SPIN1: variants seen among roughly 807,000 people sequenced by gnomAD.
SPIN1 encodes the protein spindlin 1.
A neutral mutation model predicts 26.0 loss-of-function variants in SPIN1; 3 were observed. The ratio of observed to expected loss-of-function variants is 0.12; its 90% CI spans 0.05 to 0.30. The LOEUF (loss-of-function observed/expected upper bound fraction) is 0.30. SPIN1 is among the 10% of genes least tolerant of loss of function. The pLI is 1.00. For synonymous variants in SPIN1, 101 were observed against 116.5 expected, an observed-to-expected ratio of 0.87 and a Z score of 0.86; for missense variants, 126 against 333.4, an observed-to-expected ratio of 0.38 and a Z score of 4.84.
intron 1 of SPIN1, among the ~76,000 whole-genome samples, chr9:88,424,340 G>A (rs1440223469): frequency 6.6e-6 from 1 of 152,082 alleles, no homozygotes; most frequent in Non-Finnish European, 1.5e-5. Flanking sequence ...CTTGAGATAC[G>A]AGATTACAAA....
chr9:88,466,268 C>T (rs1345714578), intron 4 of SPIN1, among the ~76,000 whole-genome samples: 1 of 152,164 alleles, frequency 6.6e-6, no homozygotes, highest in East Asian at 1.9e-4. Flanking sequence ...AAACAGTCCT[C>T]CTGCCTCAGT....
chr9:88,396,069 A>G (rs762997580), intron 1 of SPIN1, among the ~76,000 whole-genome samples: 1 of 148,872 alleles, frequency 6.7e-6, no homozygotes, highest in African/African-American at 2.5e-5. Flanking sequence ...AACAACAACA[A>G]AAAAACCCGT....
chr9:88,415,609 A>C (rs533422736), intron 1 of SPIN1: 3 of 152,078 alleles, frequency 2.0e-5, no homozygotes, highest in African/African-American at 7.2e-5. Context: ...TTTTATAGCA[A>C]TGAGGTCTTA....
intron 3 of SPIN1, 45 bp from the exon 4 acceptor site, chr9:88,462,451 A>G: frequency 3.1e-6 from 5 of 1,591,612 alleles, no homozygotes; most frequent in Non-Finnish European, 3.4e-6. Flanking sequence ...CTAGGCATGC[A>G]TACTTTTGAG....
Position 88,476,351 on chromosome 9 carries a change from T to A in SPIN1, c.*1074T>A, listed in dbSNP as rs1828888789. 2 of 152,232 alleles carry A rather than the reference T, an allele frequency of 1.3e-5. No individual in the cohort carries two copies. The highest frequency in any genetic ancestry group is 4.8e-5 in the African/African-American group (2 of 41,462). 9.4% of individuals were successfully genotyped at this position (152,232 alleles called of 1,614,324 possible). On this transcript the variant is annotated 3_prime_UTR_variant, in exon 6 of 6. Coordinates refer to ENST00000375859, the MANE Select transcript of SPIN1 (RefSeq NM_006717.3). ...TGCCTTCTAACAAGCTCTCTGGGACTTTTAAAGTTTTATTACTATTATTGC... is the reference window on the plus strand; with the variant it reads ...TGCCTTCTAACAAGCTCTCTGGGACATTTAAAGTTTTATTACTATTATTGC...
chr9:88,407,765 CT>C (rs57142193), intron 1 of SPIN1, among the ~76,000 whole-genome samples: 2,860 of 140,180 alleles, frequency 0.02, 52 homozygotes, highest in African/African-American at 0.064. Flanking sequence ...ATCTCTCTCT[CT>C]TTTTTTTTTT....
At chr9:88,424,704 G>A (rs576707724) in intron 1 of SPIN1, among the ~76,000 whole-genome samples, 1 of 152,170 alleles carries the variant, frequency 6.6e-6, no homozygotes, top group Non-Finnish European at 1.5e-5. Context: ...TTGAAATAAA[G>A]GTTTTGGGAT....
chr9:88,409,189 T>G (rs1334053767), intron 1 of SPIN1, among the ~76,000 whole-genome samples: 1 of 148,432 alleles, frequency 6.7e-6, no homozygotes, highest in East Asian at 2.1e-4. Context: ...GAGATGGGGT[T>G]TTTTCATGTT....
intron 1 of SPIN1, among the ~76,000 whole-genome samples, chr9:88,422,708 T>C (rs1274790382): frequency 7.0e-6 from 1 of 143,830 alleles, no homozygotes; most frequent in African/African-American, 2.8e-5. Flanking sequence ...GGAAGGACTC[T>C]TTTTTCTTTT....
Position 88,388,444 on chromosome 9 carries a change from G to T in SPIN1, c.-253G>T, listed in dbSNP as rs939679338. 10 of 147,988 alleles carry T rather than the reference G, an allele frequency of 6.8e-5. No individual in the cohort carries two copies. The highest frequency in any genetic ancestry group is 2.0e-4 in the Admixed American group (3 of 14,880). 9.2% of individuals were successfully genotyped at this position (147,988 alleles called of 1,614,324 possible). Reference sequence around the variant, plus strand: ...TCCGCGGCGAGGGAGCGGGGGCGGGGAGGCGCCGTCTGGCTCAGGCTGGGG... The same window carrying T: ...TCCGCGGCGAGGGAGCGGGGGCGGGTAGGCGCCGTCTGGCTCAGGCTGGGG... On this transcript the variant is annotated 5_prime_UTR_variant, in exon 1 of 6. Coordinates refer to ENST00000375859, the MANE Select transcript of SPIN1 (RefSeq NM_006717.3).
intron 1 of SPIN1, among the ~76,000 whole-genome samples, chr9:88,390,818 A>T (rs763801490): frequency 6.6e-6 from 1 of 152,222 alleles, no homozygotes; most frequent in Non-Finnish European, 1.5e-5. Context: ...CCAAAGCCAC[A>T]TAACTGATTC....
chr9:88,395,100 G>A (rs141856991), intron 1 of SPIN1, among the ~76,000 whole-genome samples: 3 of 151,880 alleles, frequency 2.0e-5, no homozygotes, highest in East Asian at 3.9e-4. Context: ...GAGCCACCGC[G>A]CCTGGCCTAT....
chr9:88,397,646 C>A (rs62580709), intron 1 of SPIN1, among the ~76,000 whole-genome samples: 1 of 150,938 alleles, frequency 6.6e-6, no homozygotes, highest in African/African-American at 2.4e-5. Context: ...TTTTTTTCCC[C>A]AGTCTTGCTC....
chr9:88,399,423 A>G (rs1388286777), intron 1 of SPIN1, among the ~76,000 whole-genome samples: 1 of 152,194 alleles, frequency 6.6e-6, no homozygotes, highest in Non-Finnish European at 1.5e-5. Context: ...AGATGGATGT[A>G]AAGTGGGGAA....
At chr9:88,439,321 A>AT (rs1462089728) in intron 2 of SPIN1, among the ~76,000 whole-genome samples, 6 of 152,332 alleles carry the variant, frequency 3.9e-5, no homozygotes, top group Admixed American at 1.3e-4. Flanking sequence ...AATGATGATG[A>AT]TAACAAACAC....
intron 2 of SPIN1, among the ~76,000 whole-genome samples, chr9:88,438,450 TGTTTTACA>T (rs1828053151): frequency 6.6e-6 from 1 of 152,220 alleles, no homozygotes; most frequent in Non-Finnish European, 1.5e-5. Context: ...TTTGTGAAAC[TGTTTTACA>T]GTTCATAATG....
intron 1 of SPIN1, among the ~76,000 whole-genome samples, chr9:88,401,536 C>T (rs1302446789): frequency 2.0e-5 from 3 of 152,134 alleles, no homozygotes; most frequent in Non-Finnish European, 4.4e-5. Flanking sequence ...TTTCTGTATA[C>T]TTTAATCTCT....
chr9:88,450,215 C>A (rs995229836), intron 3 of SPIN1, among the ~76,000 whole-genome samples: 1 of 151,900 alleles, frequency 6.6e-6, no homozygotes, highest in African/African-American at 2.4e-5. Flanking sequence ...TGTGTCTTGC[C>A]ACAAATAAAA....
At chr9:88,454,344 C>CT (rs1336191596) in intron 3 of SPIN1, among the ~76,000 whole-genome samples, 1 of 152,182 alleles carries the variant, frequency 6.6e-6, no homozygotes, top group Non-Finnish European at 1.5e-5. Context: ...TCACTTTTCT[C>CT]TATTTGGGAT....
Sources: allele counts gnomAD v4.1 joint callset (sites outside exome capture counted in the v4.1 genomes callset), GRCh38; gene constraint gnomAD v4.1.1; transcripts MANE v1.5; gene names NCBI Gene and HGNC (gene_info 2026-07-23, HGNC 2026-07-21).